The following EFR3B variants were observed in gnomAD, a reference collection of about 807,000 sequenced individuals.
The protein encoded by EFR3B is protein EFR3 homolog B.
A neutral mutation model predicts 104.7 loss-of-function variants in EFR3B; 64 were observed. The observed-to-expected ratio is 0.61, with a 90% CI of 0.50 to 0.75. EFR3B has a LOEUF of 0.75. Ranked by LOEUF, EFR3B falls within the 30% of genes least tolerant of loss-of-function variation. The pLI is 0.00. For synonymous variants in EFR3B, 385 were observed against 417.9 expected, an observed-to-expected ratio of 0.92 and a Z score of 0.96; for missense variants, 750 against 1,078.5, an observed-to-expected ratio of 0.70 and a Z score of 4.27.
intron 4 of EFR3B, among the ~76,000 whole-genome samples, chr2:25,111,598 C>T (rs1037133608): frequency 6.6e-6 from 1 of 152,196 alleles, no homozygotes; most frequent in African/African-American, 2.4e-5. Flanking sequence ...AGGGACTTTG[C>T]AGATGTGATC....
chr2:25,151,871 C>A (rs1433106746), intron 20 of EFR3B, 43 bp from the exon 21 acceptor site: 1 of 1,545,946 alleles, frequency 6.5e-7, no homozygotes, highest in Non-Finnish European at 8.8e-7. Flanking sequence ...CCCTTCACCT[C>A]AGTGAGCAGG....
chr2:25,048,839 G>A (rs13423189), intron 1 of EFR3B, among the ~76,000 whole-genome samples: 13 of 152,166 alleles, frequency 8.5e-5, no homozygotes, highest in Admixed American at 3.3e-4. Context: ...GTGGTCCCCC[G>A]GGCCCAGGTG....
chr2:25,075,975 C>T (rs975405850), intron 1 of EFR3B, among the ~76,000 whole-genome samples: 7 of 152,190 alleles, frequency 4.6e-5, no homozygotes, highest in Non-Finnish European at 1.0e-4. Context: ...TCACTGTAGC[C>T]TTGACCTCCC....
intron 1 of EFR3B, among the ~76,000 whole-genome samples, chr2:25,067,425 T>A (rs956380204): frequency 1.7e-4 from 25 of 142,924 alleles, no homozygotes; most frequent in African/African-American, 2.9e-4. Context: ...TTTTAGTTTT[T>A]GTTTTTTTTT....
intron 1 of EFR3B, among the ~76,000 whole-genome samples, chr2:25,050,657 A>G (rs553478952): frequency 8.5e-5 from 13 of 152,338 alleles, no homozygotes; most frequent in Non-Finnish European, 1.9e-4. Flanking sequence ...AAGCAAAGAA[A>G]ATCTTAGACA....
chr2:25,045,630 A>G (rs1019843212), intron 1 of EFR3B, among the ~76,000 whole-genome samples: 16 of 151,820 alleles, frequency 1.1e-4, no homozygotes, highest in African/African-American at 3.9e-4. Context: ...AAAAGTACAG[A>G]AATTAGCCGG....
chr2:25,062,848 C>T (rs990705739), intron 1 of EFR3B, among the ~76,000 whole-genome samples: 2 of 152,232 alleles, frequency 1.3e-5, no homozygotes, highest in Admixed American at 6.5e-5. Flanking sequence ...AAGCCTGACT[C>T]TCCTAGGCCT....
At chr2:25,104,958 C>T (rs1275053372) in intron 4 of EFR3B, among the ~76,000 whole-genome samples, 1 of 152,182 alleles carries the variant, frequency 6.6e-6, no homozygotes, top group Non-Finnish European at 1.5e-5. Context: ...TAAACATACT[C>T]CCACGCCCTG....
chr2:25,046,260 C>G (rs1667713759), intron 1 of EFR3B, among the ~76,000 whole-genome samples: 1 of 151,898 alleles, frequency 6.6e-6, no homozygotes, highest in South Asian at 2.1e-4. Context: ...TGGCGTGCAC[C>G]TGTAATCCCA....
At position 25,133,379 on chromosome 2, in the gene EFR3B, A is replaced by G. The variant is rs1252955815; in HGVS notation, c.1260-4A>G. ...TGGTGAGTGTTTGTGTCTCTGGTCT[A>G]CAGGGAGAATAGGAACCGTCTGACC... On this transcript the variant is annotated splice_polypyrimidine_tract_variant and splice_region_variant and intron_variant, in intron 11 of 22. Coordinates refer to ENST00000403714, the MANE Select transcript of EFR3B (RefSeq NM_014971.2). 1.9e-6 allele frequency: 3 copies of G among 1,552,262 alleles called. No homozygotes were observed. Among genetic ancestry groups the G allele is most frequent in the Admixed American group, 3.9e-5 (2 of 50,998 alleles).
chr2:25,121,775 G>C lies in EFR3B; in HGVS notation c.466G>C (p.Asp156His), dbSNP rs761234847. 10 of 1,551,688 alleles carry C rather than the reference G, an allele frequency of 6.4e-6. No individual in the cohort carries two copies. The highest frequency in any genetic ancestry group is 6.1e-6 in the Non-Finnish European group (7 of 1,147,030). ...TGAAATGTGCCACTCGAGCCATGAT[G>C]ACTTAGAAATCAAGACCAAGTGAGT... ...FSEMCHSSHD[D>H]LEIKTKIRMS... The change falls in exon 5 of 23, where the codon GAC becomes CAC. Residue 156 changes from aspartate to histidine, a missense_variant. Transcript: ENST00000403714.
chr2:25,058,411 G>A (rs530336269), intron 1 of EFR3B: 32 of 152,226 alleles, frequency 2.1e-4, no homozygotes, highest in African/African-American at 7.7e-4. Context: ...CAAAACCACA[G>A]TGAAATACTA....
rs774758132 is a variant in EFR3B, at chr2:25,117,331, G to A, written c.364-4342G>A. Among the ~76,000 whole-genome samples, 135 of 152,148 alleles carry A rather than the reference G, an allele frequency of 8.9e-4. 1 individual carries two copies. The highest frequency in any genetic ancestry group is 1.7e-3 in the Non-Finnish European group (114 of 67,992). ...GACAGAAACCAGTGTGGTCAGCAGC[G>A]CCCTGTGACTCTGCTGTCTGGAAGT... On this transcript the variant is annotated intron_variant, in intron 4 of 22. Coordinates refer to ENST00000403714, the MANE Select transcript of EFR3B (RefSeq NM_014971.2).
At chr2:25,144,754 G>T (rs186348350) in intron 18 of EFR3B, among the ~76,000 whole-genome samples, 33 of 152,176 alleles carry the variant, frequency 2.2e-4, no homozygotes, top group African/African-American at 8.0e-4. Context: ...TAGCCCCAAA[G>T]AACAAAACTG....
rs1670508987 is a variant in EFR3B, at chr2:25,136,116, G to A, written c.1485-407G>A. 6.6e-6 allele frequency among the ~76,000 whole-genome samples: 1 copy of A among 152,090 alleles called. No homozygotes were observed. The highest frequency in any genetic ancestry group is 6.6e-5 in the Admixed American group (1 of 15,258). ...TGATCACTTAAGCCCAAGAGTTCAA[G>A]ACCAGCCAGGGCAACATAGTGAGAC... On this transcript the variant is annotated intron_variant, in intron 13 of 22. Coordinates refer to ENST00000403714, the MANE Select transcript of EFR3B (RefSeq NM_014971.2). This position sits in a 1 kb window ranked among gnomAD's most constrained non-coding sequence, Gnocchi z 4.0.
At chr2:25,048,706 A>G (rs962594342) in intron 1 of EFR3B, among the ~76,000 whole-genome samples, 2 of 152,216 alleles carry the variant, frequency 1.3e-5, no homozygotes, top group African/African-American at 4.8e-5. Context: ...TATGAATATC[A>G]TTACTCATTA....
intron 1 of EFR3B, among the ~76,000 whole-genome samples, chr2:25,065,829 C>T (rs1668319627): frequency 6.6e-6 from 1 of 152,184 alleles, no homozygotes; most frequent in African/African-American, 2.4e-5. Context: ...CCGTGTCACA[C>T]ACTCACCCAG....
Position 25,096,757 on chromosome 2 carries a change from G to A in EFR3B, c.212+3627G>A, listed in dbSNP as rs557922002. On this transcript the variant is annotated intron_variant, in intron 3 of 22. Coordinates refer to ENST00000403714, the MANE Select transcript of EFR3B (RefSeq NM_014971.2). ...TGCCGTCCAAGGCCCCTTCCTCCTG[G>A]CAGGAGAAGACGGAGCTGGTCTTGA... Among the ~76,000 whole-genome samples the A allele has an allele frequency of 4.6e-5, 7 of 152,272 alleles. No homozygotes were observed. The South Asian group carries it at 1.5e-3, about 32-fold the overall frequency.
At chr2:25,067,541 TCTC>T (rs1668373411) in intron 1 of EFR3B, among the ~76,000 whole-genome samples, 1 of 151,978 alleles carries the variant, frequency 6.6e-6, no homozygotes, top group African/African-American at 2.4e-5. Context: ...TTCAAGCAAT[TCTC>T]CTGCCTGAGC....
Sources: allele counts gnomAD v4.1 joint callset (sites outside exome capture counted in the v4.1 genomes callset), GRCh38; gene constraint gnomAD v4.1.1; non-coding constraint Gnocchi (gnomAD v3.1); transcripts MANE v1.5; gene names NCBI Gene and HGNC (gene_info 2026-07-23, HGNC 2026-07-21).